The following ARHGEF3 variants were observed in gnomAD, a reference collection of about 807,000 sequenced individuals.
ARHGEF3 encodes the protein Rho guanine nucleotide exchange factor 3.
A neutral mutation model predicts 63.2 loss-of-function variants in ARHGEF3; 28 were observed. The observed-to-expected ratio is 0.44, with a 90% CI of 0.33 to 0.61. The LOEUF is 0.61. ARHGEF3 is among the 20% of genes least tolerant of loss of function. The pLI is 0.03. For synonymous variants in ARHGEF3, 266 were observed against 254.2 expected (o/e 1.05, Z -0.44); for missense variants, 533 against 659.3 (o/e 0.81, Z 2.10).
chr3:56,791,200 C>T (rs1012325341), intron 1 of ARHGEF3, among the ~76,000 whole-genome samples: 5 of 151,904 alleles, frequency 3.3e-5, no homozygotes, highest in African/African-American at 4.8e-5. Context: ...CCCCGGAGTT[C>T]GAGACCAGTC....
intron 3 of ARHGEF3, among the ~76,000 whole-genome samples, chr3:56,885,942 T>A (rs1234661516): frequency 4.6e-5 from 7 of 152,182 alleles, no homozygotes; most frequent in Non-Finnish European, 7.4e-5. Flanking sequence ...CATCACTAAG[T>A]CACTTGTTCA....
intron 4 of ARHGEF3, among the ~76,000 whole-genome samples, chr3:56,874,360 A>C (rs954173284): frequency 6.6e-6 from 1 of 152,190 alleles, no homozygotes; most frequent in Non-Finnish European, 1.5e-5. Flanking sequence ...CACATAATTC[A>C]TCAAGGCCCC....
intron 2 of ARHGEF3, among the ~76,000 whole-genome samples, chr3:57,011,478 G>T (rs983724348): frequency 1.3e-5 from 2 of 152,160 alleles, no homozygotes. Context: ...ACAAGGGAGT[G>T]GGGTGAGGTG....
At chr3:56,932,752 G>A (rs2042447939) in intron 3 of ARHGEF3, among the ~76,000 whole-genome samples, 1 of 152,100 alleles carries the variant, frequency 6.6e-6, no homozygotes, top group Non-Finnish European at 1.5e-5. Context: ...CACTACCACT[G>A]AACACCTGTG....
intron 4 of ARHGEF3, among the ~76,000 whole-genome samples, chr3:56,872,376 G>C (rs899372555): frequency 2.0e-5 from 3 of 152,096 alleles, no homozygotes; most frequent in Non-Finnish European, 4.4e-5. Context: ...TATAGCATGT[G>C]TTCTGTAACT....
intron 1 of ARHGEF3, chr3:57,078,606 T>G (rs1219407251): frequency 6.6e-6 from 1 of 152,290 alleles, no homozygotes; most frequent in Admixed American, 6.5e-5. Flanking sequence ...TCCACCCTGG[T>G]GTCCTATCTC....
chr3:57,073,618 C>A, intron 1 of ARHGEF3: 1 of 1,511,576 alleles, frequency 6.6e-7, no homozygotes, highest in Non-Finnish European at 8.8e-7. Flanking sequence ...AAGAGTGCTG[C>A]ATGCTCCTCA....
At chr3:56,953,167 C>T (rs1485713418) in intron 3 of ARHGEF3, among the ~76,000 whole-genome samples, 1 of 152,192 alleles carries the variant, frequency 6.6e-6, no homozygotes. Context: ...GGCTTGCTGG[C>T]TTCTTTTGCA....
At chr3:56,828,517 G>A (rs964820800) in intron 4 of ARHGEF3, among the ~76,000 whole-genome samples, 1 of 152,170 alleles carries the variant, frequency 6.6e-6, no homozygotes, top group Non-Finnish European at 1.5e-5. Flanking sequence ...CTGGGTGACA[G>A]AGTGAGACTC....
At chr3:56,998,452 T>C (rs1016549812) in intron 2 of ARHGEF3, among the ~76,000 whole-genome samples, 1 of 151,814 alleles carries the variant, frequency 6.6e-6, no homozygotes, top group African/African-American at 2.4e-5. Flanking sequence ...CAACACTGGC[T>C]GGACCTTGGT....
intron 1 of ARHGEF3, among the ~76,000 whole-genome samples, chr3:57,038,309 G>A (rs1160348856): frequency 6.6e-6 from 1 of 152,138 alleles, no homozygotes; most frequent in African/African-American, 2.4e-5. Context: ...TCTCAATGAG[G>A]CCCCGGGGGT....
intron 2 of ARHGEF3, among the ~76,000 whole-genome samples, chr3:56,994,080 A>AAAAAAAAAAAAAAAAAAAAAAC (rs1391084005): frequency 7.0e-6 from 1 of 141,972 alleles, no homozygotes; most frequent in Non-Finnish European, 1.5e-5. Context: ...AAAAAAAAAA[A>AAAAAAAAAAAAAAAAAAAAAAC]AAAAAGCACA....
intron 2 of ARHGEF3, among the ~76,000 whole-genome samples, chr3:57,033,220 GACCC>G (rs1703805489): frequency 6.6e-6 from 1 of 152,166 alleles, no homozygotes; most frequent in African/African-American, 2.4e-5. Flanking sequence ...TACACAGGAT[GACCC>G]AGCAACTCTA....
intron 2 of ARHGEF3, among the ~76,000 whole-genome samples, chr3:57,020,212 G>A (rs1482133332): frequency 1.3e-5 from 2 of 152,168 alleles, no homozygotes; most frequent in Non-Finnish European, 2.9e-5. Context: ...AATAAAGCCT[G>A]AAACTTCAGG....
intron 3 of ARHGEF3, among the ~76,000 whole-genome samples, chr3:56,915,713 C>T (rs9865870): frequency 0.93 from 141,665 of 152,172 alleles, 66,339 homozygotes; most frequent in Non-Finnish European, 0.99. Context: ...TCTGACTTCA[C>T]TCTCCCAATA....
At chr3:56,927,660 C>A (rs1328404058) in intron 3 of ARHGEF3, among the ~76,000 whole-genome samples, 2 of 152,124 alleles carry the variant, frequency 1.3e-5, no homozygotes, top group Admixed American at 1.3e-4. Flanking sequence ...CCTGGAGGTT[C>A]AATGTCAGGG....
At chr3:56,941,547 G>A (rs983558467) in intron 3 of ARHGEF3, among the ~76,000 whole-genome samples, 1 of 152,190 alleles carries the variant, frequency 6.6e-6, no homozygotes, top group Non-Finnish European at 1.5e-5. Flanking sequence ...TGTGTTCTAA[G>A]ACCTGAAACT....
chr3:56,919,360 A>C (rs1238784320), intron 3 of ARHGEF3, among the ~76,000 whole-genome samples: 1 of 152,200 alleles, frequency 6.6e-6, no homozygotes, highest in Non-Finnish European at 1.5e-5. Flanking sequence ...TCTGTCTAAA[A>C]ACACGAGTTG....
At chr3:56,891,724 A>C (rs1403999850) in intron 3 of ARHGEF3, among the ~76,000 whole-genome samples, 1 of 152,144 alleles carries the variant, frequency 6.6e-6, no homozygotes, top group Admixed American at 6.5e-5. Flanking sequence ...AGTTAAATAG[A>C]TCAGTGTGGG....
Sources: allele counts gnomAD v4.1 joint callset (sites outside exome capture counted in the v4.1 genomes callset), GRCh38; gene constraint gnomAD v4.1.1; transcripts MANE v1.5; gene names NCBI Gene and HGNC (gene_info 2026-07-23, HGNC 2026-07-21).